FRMPD4: variants seen among roughly 807,000 people sequenced by gnomAD.
FRMPD4 encodes FERM and PDZ domain containing 4, also known as FERM and PDZ domain-containing protein 4.
A neutral mutation model predicts 94.1 loss-of-function variants in FRMPD4; 22 were observed. The observed-to-expected ratio is 0.23, with a 90% confidence interval of 0.17 to 0.33. The LOEUF (loss-of-function observed/expected upper bound fraction) is 0.33. Ranked by LOEUF, FRMPD4 falls within the 10% of genes least tolerant of loss-of-function variation. FRMPD4 has a pLI of 1.00. For synonymous variants in FRMPD4, 631 were observed against 548.6 expected (o/e 1.15, Z -2.10); for missense variants, 1,111 against 1,339.9 (o/e 0.83, Z 2.67).
chrX:11,900,162 C>A (rs1209784928), intron 3 of FRMPD4, among the ~76,000 whole-genome samples: 2 of 105,253 alleles, frequency 1.9e-5, no homozygotes, highest in Non-Finnish European at 3.9e-5. Flanking sequence ...CTTATGCTTT[C>A]TTGATTGGGT....
At chrX:12,402,297 C>A (rs2056618342) in intron 1 of FRMPD4, among the ~76,000 whole-genome samples, 1 of 111,321 alleles carries the variant, frequency 9.0e-6, no homozygotes, top group South Asian at 3.8e-4. Flanking sequence ...AGTCTCTGTG[C>A]AAGTGACATT....
intron 3 of FRMPD4, among the ~76,000 whole-genome samples, chrX:12,086,079 G>A (rs1046438550): frequency 2.1e-5 from 1 of 48,519 alleles, no homozygotes; most frequent in African/African-American, 6.7e-5. Flanking sequence ...GTCTGTGTGC[G>A]TGTGTGTGTA....
intron 1 of FRMPD4, among the ~76,000 whole-genome samples, chrX:12,479,273 C>A (rs2057642232): frequency 9.4e-6 from 1 of 106,341 alleles, no homozygotes; most frequent in Admixed American, 1.1e-4. Context: ...AGGATGAGGT[C>A]CAGAAGAAAG....
At chrX:12,581,676 T>C in intron 2 of FRMPD4, among the ~76,000 whole-genome samples, 1 of 111,891 alleles carries the variant, frequency 8.9e-6, no homozygotes, top group East Asian at 2.8e-4. Context: ...TCTGTCCTCA[T>C]GTCCTGCTAC....
At chrX:12,708,141 C>T (rs1191693274) in intron 13 of FRMPD4, among the ~76,000 whole-genome samples, 1 of 111,675 alleles carries the variant, frequency 9.0e-6, no homozygotes, top group African/African-American at 3.3e-5. Flanking sequence ...ACTGACTGAA[C>T]ATCTGGCTCC....
chrX:12,266,029 A>T (rs1379546060), intron 1 of FRMPD4, among the ~76,000 whole-genome samples: 3 of 103,096 alleles, frequency 2.9e-5, no homozygotes, highest in African/African-American at 1.1e-4. Flanking sequence ...GCTATTCGGG[A>T]GCCTGAGGCA....
chrX:12,152,298 C>T (rs1163386068), intron 1 of FRMPD4, among the ~76,000 whole-genome samples: 1 of 111,857 alleles, frequency 8.9e-6, no homozygotes, highest in Non-Finnish European at 1.9e-5. Context: ...TAGTTTGCAA[C>T]ACTATGCAGC....
At chrX:12,082,275 G>A (rs944957018) in intron 3 of FRMPD4, among the ~76,000 whole-genome samples, 2 of 111,659 alleles carry the variant, frequency 1.8e-5, no homozygotes, top group African/African-American at 6.5e-5. Context: ...CATGGGGGCT[G>A]GTCTTTCCTG....
At chrX:12,454,152 A>G (rs952019494) in intron 1 of FRMPD4, among the ~76,000 whole-genome samples, 1 of 112,321 alleles carries the variant, frequency 8.9e-6, no homozygotes, top group Non-Finnish European at 1.9e-5. Flanking sequence ...CTTCAGATTC[A>G]TAAGTTTCTA....
At chrX:12,661,147 T>A (rs1389683821) in intron 4 of FRMPD4, among the ~76,000 whole-genome samples, 1 of 111,576 alleles carries the variant, frequency 9.0e-6, no homozygotes, top group Non-Finnish European at 1.9e-5. Flanking sequence ...TAAAAGTGAG[T>A]CACAAGATTA....
chrX:12,194,020 G>A (rs144199363), intron 1 of FRMPD4, among the ~76,000 whole-genome samples: 1,965 of 108,458 alleles, frequency 0.018, 56 homozygotes, highest in African/African-American at 0.063. Flanking sequence ...CATCTATTTG[G>A]ATCAGGCATT....
chrX:12,697,938 C>G (rs1258957648), intron 9 of FRMPD4, among the ~76,000 whole-genome samples: 1 of 112,240 alleles, frequency 8.9e-6, no homozygotes, highest in African/African-American at 3.2e-5. Flanking sequence ...GTCTTTGCCT[C>G]AGACCCTCTT....
intron 2 of FRMPD4, among the ~76,000 whole-genome samples, chrX:12,529,317 C>A (rs2058260835): frequency 1.8e-5 from 2 of 112,772 alleles, no homozygotes; most frequent in Middle Eastern, 4.6e-3. Context: ...TCAAAACAAA[C>A]AAACTGAGAA....
At chrX:11,945,346 C>T (rs780509477) in intron 3 of FRMPD4, among the ~76,000 whole-genome samples, 1 of 111,591 alleles carries the variant, frequency 9.0e-6, no homozygotes, top group East Asian at 2.8e-4. Flanking sequence ...AATAAAAGCT[C>T]AAATTTAGGC....
intron 1 of FRMPD4, among the ~76,000 whole-genome samples, chrX:12,452,383 A>G (rs1386258744): frequency 5.4e-5 from 6 of 112,002 alleles, no homozygotes; most frequent in Non-Finnish European, 9.4e-5. Context: ...ATTCATTGCC[A>G]TGAGTATTAT....
At chrX:12,516,536 G>A (rs141737384) in intron 2 of FRMPD4, among the ~76,000 whole-genome samples, 204 of 111,953 alleles carry the variant, frequency 1.8e-3, no homozygotes, top group Middle Eastern at 9.3e-3. Flanking sequence ...AATCTCTTCT[G>A]GCTTGCAGGG....
At chrX:12,085,279 G>A (rs768394339) in intron 3 of FRMPD4, among the ~76,000 whole-genome samples, 1 of 112,144 alleles carries the variant, frequency 8.9e-6, no homozygotes, top group Non-Finnish European at 1.9e-5. Flanking sequence ...ATGTCTGAGA[G>A]GGCTTATGTT....
chrX:12,020,464 C>T (rs983147178), intron 3 of FRMPD4, among the ~76,000 whole-genome samples: 2 of 111,710 alleles, frequency 1.8e-5, no homozygotes, highest in African/African-American at 6.5e-5. Context: ...CATCACCTGG[C>T]TTCCAGGACT....
chrX:12,625,737 C>T (rs2059339523), intron 4 of FRMPD4, among the ~76,000 whole-genome samples: 1 of 111,309 alleles, frequency 9.0e-6, no homozygotes, highest in South Asian at 3.8e-4. Context: ...AGCAGAATGA[C>T]TACAGTTAAC....
Sources: allele counts gnomAD v4.1 joint callset (sites outside exome capture counted in the v4.1 genomes callset), GRCh38; gene constraint gnomAD v4.1.1; transcripts MANE v1.5; gene names NCBI Gene and HGNC (gene_info 2026-07-23, HGNC 2026-07-21).